Variants in NRG1 observed in about 807,000 individuals in gnomAD.
NRG1 encodes neuregulin 1.
A neutral mutation model predicts 63.8 loss-of-function variants in NRG1; 18 were observed. The observed-to-expected ratio is 0.28, with a 90% CI of 0.19 to 0.42. The LOEUF is 0.42. NRG1 is among the 10% of genes least tolerant of loss of function. The pLI, the probability that NRG1 is intolerant of heterozygous loss-of-function variation, is 1.00. For missense variants in NRG1, 762 were observed against 814.7 expected (o/e 0.94, Z 0.79); for synonymous variants, 302 against 301.3 (o/e 1.00, Z -0.02).
At chr8:31,789,753 G>A (rs1820519521) in intron 1 of NRG1, among the ~76,000 whole-genome samples, 1 of 152,106 alleles carries the variant, frequency 6.6e-6, no homozygotes, top group South Asian at 2.1e-4. Context: ...CCATTGCTAT[G>A]ATGGTTCTGG....
intron 1 of NRG1, among the ~76,000 whole-genome samples, chr8:31,681,464 A>T (rs1156814116): frequency 2.6e-5 from 4 of 152,016 alleles, no homozygotes; most frequent in Admixed American, 2.6e-4. Flanking sequence ...CATTTAAATG[A>T]CAATGACATA....
At chr8:32,346,080 C>A in intron 1 of NRG1, among the ~76,000 whole-genome samples, 2 of 145,868 alleles carry the variant, frequency 1.4e-5, no homozygotes, top group African/African-American at 2.5e-5. Flanking sequence ...ATAATATATA[C>A]TATAATTTAT....
chr8:32,093,831 T>G (rs1447191056), intron 1 of NRG1, among the ~76,000 whole-genome samples: 1 of 152,210 alleles, frequency 6.6e-6, no homozygotes, highest in Non-Finnish European at 1.5e-5. Flanking sequence ...GGATAAGATC[T>G]TTGAAAGGTT....
At chr8:32,539,817 A>G (rs1190424532) in intron 1 of NRG1, among the ~76,000 whole-genome samples, 1 of 152,234 alleles carries the variant, frequency 6.6e-6, no homozygotes, top group East Asian at 1.9e-4. Context: ...AGAAAAAGAC[A>G]CACAGAAAGT....
At chr8:32,453,017 G>A (rs1160447418) in intron 1 of NRG1, among the ~76,000 whole-genome samples, 1 of 152,064 alleles carries the variant, frequency 6.6e-6, no homozygotes, top group South Asian at 2.1e-4. Context: ...GTCTACTCTC[G>A]TTAAGTAGAA....
intron 1 of NRG1, among the ~76,000 whole-genome samples, chr8:32,299,151 A>T (rs1312216303): frequency 6.6e-6 from 1 of 152,022 alleles, no homozygotes; most frequent in Admixed American, 6.6e-5. Flanking sequence ...TGGGAATTGT[A>T]TTTCCTCTTC....
chr8:32,223,098 T>C (rs942760799), intron 1 of NRG1, among the ~76,000 whole-genome samples: 11 of 152,164 alleles, frequency 7.2e-5, no homozygotes, highest in African/African-American at 2.7e-4. Flanking sequence ...GTAGTTGATT[T>C]GCCAAAAATA....
At chr8:32,636,224 G>A (rs1851315614) in intron 5 of NRG1, among the ~76,000 whole-genome samples, 1 of 151,920 alleles carries the variant, frequency 6.6e-6, no homozygotes, top group African/African-American at 2.4e-5. Context: ...AGGGGGTGGG[G>A]GCAAAAAGAA....
chr8:32,560,913 C>T (rs1056983465), intron 1 of NRG1, among the ~76,000 whole-genome samples: 8 of 152,154 alleles, frequency 5.3e-5, no homozygotes, highest in African/African-American at 9.7e-5. Context: ...TATGAATAAA[C>T]GACCGCTGTT....
intron 1 of NRG1, among the ~76,000 whole-genome samples, chr8:31,758,662 T>C (rs910214662): frequency 6.6e-6 from 1 of 152,158 alleles, no homozygotes; most frequent in Non-Finnish European, 1.5e-5. Context: ...TCTTCCATTG[T>C]GTGAGTATGC....
Position 32,628,051 on chromosome 8 carries a change from T to C in NRG1, c.502+11166T>C, listed in dbSNP as rs538089903. Among the ~76,000 whole-genome samples the C allele has an allele frequency of 5.9e-5, 9 of 152,354 alleles. No homozygotes were observed. In the South Asian group the frequency reaches 1.7e-3, roughly 28 times the overall value. ...AAAAATCCATTTCTTTCACAAATAA[T>C]GTAGCTTTGAGAACAGATTTTTTTC... is the stretch of plus-strand genomic sequence containing the variant. On this transcript the variant is annotated intron_variant, in intron 5 of 11. Transcript: ENST00000356819.
intron 5 of NRG1, among the ~76,000 whole-genome samples, chr8:32,687,959 C>A (rs1810605309): frequency 6.6e-6 from 1 of 152,106 alleles, no homozygotes; most frequent in Non-Finnish European, 1.5e-5. Flanking sequence ...TAGTCACCTC[C>A]CACCAGGTCC....
chr8:32,047,094 C>A (rs1821130491), intron 1 of NRG1, among the ~76,000 whole-genome samples: 1 of 151,938 alleles, frequency 6.6e-6, no homozygotes, highest in Non-Finnish European at 1.5e-5. Flanking sequence ...GTCTCACTCA[C>A]TTTAGTTTTT....
At chr8:31,738,919 C>T (rs950703946) in intron 1 of NRG1, among the ~76,000 whole-genome samples, 1 of 152,082 alleles carries the variant, frequency 6.6e-6, no homozygotes, top group Non-Finnish European at 1.5e-5. Context: ...TAACTAATTA[C>T]ATCTGCCACA....
intron 1 of NRG1, among the ~76,000 whole-genome samples, chr8:32,233,874 T>C (rs112598257): frequency 2.2e-4 from 33 of 152,162 alleles, no homozygotes; most frequent in African/African-American, 7.5e-4. Flanking sequence ...CTCAAAAGAA[T>C]AGTATAAACC....
intron 1 of NRG1, among the ~76,000 whole-genome samples, chr8:32,204,686 G>C (rs1231035031): frequency 6.6e-6 from 1 of 152,168 alleles, no homozygotes; most frequent in Non-Finnish European, 1.5e-5. Context: ...AGCCTCAATG[G>C]ATTGTAAGAA....
chr8:32,480,435 TAA>T (rs552285405), intron 1 of NRG1, among the ~76,000 whole-genome samples: 12 of 102,930 alleles, frequency 1.2e-4, no homozygotes, highest in African/African-American at 2.9e-4. Context: ...CCAAATTGCT[TAA>T]AAAAAAAAAA....
chr8:32,622,295 G>C (rs774551109), intron 5 of NRG1, among the ~76,000 whole-genome samples: 22 of 152,060 alleles, frequency 1.4e-4, no homozygotes, highest in Non-Finnish European at 2.5e-4. Flanking sequence ...AATAATAAAA[G>C]AAATAAATTC....
intron 1 of NRG1, among the ~76,000 whole-genome samples, chr8:32,111,788 A>G (rs774505885): frequency 2.0e-5 from 3 of 152,162 alleles, no homozygotes; most frequent in African/African-American, 7.2e-5. Flanking sequence ...AGAACAGGAA[A>G]TGGAGGTAAA....
Sources: allele counts gnomAD v4.1 joint callset (sites outside exome capture counted in the v4.1 genomes callset), GRCh38; gene constraint gnomAD v4.1.1; transcripts MANE v1.5; gene names NCBI Gene and HGNC (gene_info 2026-07-23, HGNC 2026-07-21).